SNTG1: variants seen among roughly 807,000 people sequenced by gnomAD.
SNTG1 encodes the protein syntrophin gamma 1.
In SNTG1, 39 loss-of-function variants were observed where a neutral mutation model predicts 74.7. That is an observed-to-expected ratio of 0.52 (90% confidence interval 0.40 to 0.68). The LOEUF (loss-of-function observed/expected upper bound fraction) is 0.68, where lower values mean the gene tolerates loss of function less well. Among genes scored for constraint, SNTG1 ranks in the 30% least tolerant of loss-of-function variants. The pLI, the probability that SNTG1 is intolerant of heterozygous loss-of-function variation, is 0.00. For missense variants in SNTG1, 685 were observed against 609.5 expected (o/e 1.12, Z -1.30); for synonymous variants, 254 against 217.1 (o/e 1.17, Z -1.49).
intron 1 of SNTG1, among the ~76,000 whole-genome samples, chr8:50,148,277 A>G (rs58084354): frequency 0.027 from 4,185 of 152,256 alleles, 215 homozygotes; most frequent in African/African-American, 0.094. Context: ...TCAGAATAAT[A>G]TATGTTGATA....
At chr8:50,533,312 C>A (rs2094283808) in intron 10 of SNTG1, among the ~76,000 whole-genome samples, 1 of 152,188 alleles carries the variant, frequency 6.6e-6, no homozygotes, top group Admixed American at 6.5e-5. Flanking sequence ...TTAATAAAAT[C>A]TCAGTTAGCA....
intron 1 of SNTG1, among the ~76,000 whole-genome samples, chr8:49,960,541 C>A (rs773874019): frequency 6.6e-6 from 1 of 151,656 alleles, no homozygotes; most frequent in Non-Finnish European, 1.5e-5. Flanking sequence ...AGTTACATTA[C>A]CTTTGAAAGG....
intron 2 of SNTG1, among the ~76,000 whole-genome samples, chr8:50,231,793 T>A (rs2085642154): frequency 6.6e-6 from 1 of 151,326 alleles, no homozygotes; most frequent in South Asian, 2.1e-4. Context: ...ATTTTTTAAA[T>A]CAGTAGCACA....
At chr8:50,413,585 T>C (rs2092977413) in intron 4 of SNTG1, among the ~76,000 whole-genome samples, 1 of 152,178 alleles carries the variant, frequency 6.6e-6, no homozygotes, top group East Asian at 1.9e-4. Context: ...TGCTTGAGAG[T>C]CACAAGACCG....
chr8:50,171,858 C>T (rs1271789877), intron 1 of SNTG1, among the ~76,000 whole-genome samples: 1 of 152,172 alleles, frequency 6.6e-6, no homozygotes, highest in African/African-American at 2.4e-5. Context: ...GAGCCAGCTT[C>T]ATCCCCTTGA....
In SNTG1 at chr8:50,376,523, G is replaced by T. The variant is rs925851341; in HGVS notation, c.-27-17689G>T. ...GGGTATTGAGACTCAGATCGTTTAA[G>T]CAAATGATTCAGCAAGTAAGTAACC... On this transcript the variant is annotated intron_variant, in intron 2 of 18. Transcript: ENST00000642720. Among the ~76,000 whole-genome samples the T allele has an allele frequency of 1.3e-5, 2 of 151,736 alleles. 1 individual carries two copies. Among genetic ancestry groups the T allele is most frequent in the South Asian group, 4.2e-4 (2 of 4,804 alleles).
chr8:50,397,338 A>C (rs1011926690), intron 3 of SNTG1, among the ~76,000 whole-genome samples: 2 of 152,204 alleles, frequency 1.3e-5, no homozygotes, highest in East Asian at 3.9e-4. Flanking sequence ...ACCAATAATT[A>C]TGTAGGTGAT....
At chr8:50,586,480 C>T (rs1355984701) in intron 12 of SNTG1, among the ~76,000 whole-genome samples, 1 of 152,118 alleles carries the variant, frequency 6.6e-6, no homozygotes, top group Admixed American at 6.5e-5. Context: ...CCTCTGCAGC[C>T]TCCTTGGATT....
intron 1 of SNTG1, among the ~76,000 whole-genome samples, chr8:50,097,580 A>C (rs2079974780): frequency 1.3e-5 from 2 of 151,052 alleles, no homozygotes; most frequent in South Asian, 4.3e-4. Context: ...TGAACCCGGA[A>C]GGCGGAGCTT....
chr8:50,049,148 G>T (rs532820030), intron 1 of SNTG1, among the ~76,000 whole-genome samples: 16 of 152,030 alleles, frequency 1.1e-4, no homozygotes, highest in African/African-American at 3.9e-4. Context: ...TAGCAAATAC[G>T]CTATACATTA....
chr8:50,669,073 C>T (rs2095265073), intron 15 of SNTG1, among the ~76,000 whole-genome samples: 1 of 151,858 alleles, frequency 6.6e-6, no homozygotes, highest in South Asian at 2.1e-4. Flanking sequence ...TAAATGCCCA[C>T]AAGAGAAAGC....
intron 2 of SNTG1, among the ~76,000 whole-genome samples, chr8:50,297,287 C>G (rs926442227): frequency 5.3e-5 from 8 of 152,044 alleles, no homozygotes; most frequent in Non-Finnish European, 1.0e-4. Flanking sequence ...GCCTGTGATA[C>G]AAGTTAAATT....
chr8:49,957,752 A>G (rs1009135815), intron 1 of SNTG1, among the ~76,000 whole-genome samples: 1 of 152,012 alleles, frequency 6.6e-6, no homozygotes, highest in Non-Finnish European at 1.5e-5. Flanking sequence ...TGGCTTTAAA[A>G]CTACACAGAT....
intron 1 of SNTG1, among the ~76,000 whole-genome samples, chr8:50,158,302 T>G (rs905443066): frequency 3.9e-5 from 6 of 152,126 alleles, no homozygotes; most frequent in African/African-American, 1.4e-4. Context: ...GTAGTCTTAT[T>G]TTTAGCCTGT....
At chr8:50,618,895 G>GTA (rs1209328249) in intron 13 of SNTG1, among the ~76,000 whole-genome samples, 2 of 151,352 alleles carry the variant, frequency 1.3e-5, no homozygotes, top group Non-Finnish European at 2.9e-5. Context: ...GTGTATATGT[G>GTA]TGTGTGTGTG....
rs75323626 is a variant in SNTG1, at chr8:50,578,799, G to A, written c.811-12080G>A. Among the ~76,000 whole-genome samples the A allele has an allele frequency of 5.6e-3, 858 of 152,228 alleles. 7 individuals are homozygous for A. Among genetic ancestry groups the A allele is most frequent in the African/African-American group, 0.019 (804 of 41,546 alleles). On this transcript the variant is annotated intron_variant, in intron 12 of 18. Transcript: ENST00000642720. ...GTGTTTCCTGAGGGCCTCCCTAGCC[G>A]TGCTGAACTGTGAGTCAATTAAATC...
chr8:50,700,761 T>C (rs1197921917), intron 15 of SNTG1, among the ~76,000 whole-genome samples: 1 of 152,232 alleles, frequency 6.6e-6, no homozygotes, highest in Non-Finnish European at 1.5e-5. Context: ...CACTGTCATA[T>C]GCTCGTTATT....
At chr8:50,605,440 C>T (rs1033958577) in intron 13 of SNTG1, among the ~76,000 whole-genome samples, 2 of 152,260 alleles carry the variant, frequency 1.3e-5, no homozygotes, top group African/African-American at 4.8e-5. Context: ...ATGGGTAATT[C>T]CTTTCTGGCT....
At chr8:50,319,138 C>T (rs768732932) in intron 2 of SNTG1, among the ~76,000 whole-genome samples, 43 of 151,892 alleles carry the variant, frequency 2.8e-4, no homozygotes, top group Non-Finnish European at 4.6e-4. Flanking sequence ...GACAAAGGCT[C>T]GATTCTATTT....
Sources: gnomAD v4.1 joint callset for allele counts (sites outside exome capture counted in the v4.1 genomes callset) on GRCh38, gnomAD v4.1.1 for gene constraint, MANE v1.5 for transcripts, NCBI Gene and HGNC (gene_info 2026-07-23, HGNC 2026-07-21) for gene names.